FAM171A1: variants seen among roughly 807,000 people sequenced by gnomAD.
FAM171A1 encodes family with sequence similarity 171 member A1.
A neutral mutation model predicts 74.9 loss-of-function variants in FAM171A1; 23 were observed. The observed-to-expected ratio is 0.31, with a 90% CI of 0.22 to 0.44. FAM171A1 has a LOEUF of 0.44. FAM171A1 is among the 20% of genes least tolerant of loss of function. The pLI is 1.00. For missense variants in FAM171A1, 1,162 were observed against 1,159.2 expected (o/e 1.00, Z -0.03); for synonymous variants, 527 against 505.7 (o/e 1.04, Z -0.57).
chr10:15,219,576 CATT>C (rs1834010250), intron 6 of FAM171A1, among the ~76,000 whole-genome samples: 1 of 152,094 alleles, frequency 6.6e-6, no homozygotes, highest in Non-Finnish European at 1.5e-5. Context: ...AAGGGAAACA[CATT>C]AATCTTTTTT....
intron 1 of FAM171A1, among the ~76,000 whole-genome samples, chr10:15,314,343 C>T (rs1835398451): frequency 6.6e-6 from 1 of 152,136 alleles, no homozygotes; most frequent in Non-Finnish European, 1.5e-5. Flanking sequence ...ATATCCAATT[C>T]TCAAACACAG....
chr10:15,219,009 G>A (rs772679077), intron 6 of FAM171A1, among the ~76,000 whole-genome samples: 26 of 152,252 alleles, frequency 1.7e-4, no homozygotes, highest in East Asian at 5.8e-4. Flanking sequence ...CTGGACAGGC[G>A]CAGTGGCTCA....
chr10:15,338,353 G>A (rs567135054), intron 1 of FAM171A1, among the ~76,000 whole-genome samples: 5 of 152,236 alleles, frequency 3.3e-5, no homozygotes, highest in African/African-American at 7.2e-5. Flanking sequence ...TATACATTAT[G>A]TGCCTATCAA....
rs79649936 is a variant in FAM171A1, at chr10:15,234,063, T to C, written c.755-13003A>G. Reference sequence around the variant, plus strand: ...GAAGCATTAGGTCCAGAGACATTAGTAATTTGCCCAAGGACGGGCCCTCTC... The same window carrying C: ...GAAGCATTAGGTCCAGAGACATTAGCAATTTGCCCAAGGACGGGCCCTCTC... On this transcript the variant is annotated intron_variant, in intron 5 of 7. Coordinates refer to ENST00000378116, the MANE Select transcript of FAM171A1 (RefSeq NM_001010924.2). Among the ~76,000 whole-genome samples, 80 of 152,186 alleles carry C rather than the reference T, an allele frequency of 5.3e-4. 1 individual carries two copies. In the East Asian group the frequency reaches 0.012, roughly 23 times the overall value.
At chr10:15,305,408 G>A (rs911803400) in intron 1 of FAM171A1, among the ~76,000 whole-genome samples, 1 of 152,128 alleles carries the variant, frequency 6.6e-6, no homozygotes, top group Non-Finnish European at 1.5e-5. Context: ...TGGGTGCCAT[G>A]GCTCATGCCT....
chr10:15,352,312 A>T (rs1373671224), intron 1 of FAM171A1, among the ~76,000 whole-genome samples: 2 of 152,190 alleles, frequency 1.3e-5, no homozygotes, highest in Non-Finnish European at 2.9e-5. Flanking sequence ...ATCTAACTTC[A>T]AGTATTGTTA....
intron 5 of FAM171A1, among the ~76,000 whole-genome samples, chr10:15,233,522 GT>G (rs1473199992): frequency 7.9e-4 from 10 of 12,662 alleles, no homozygotes; most frequent in Non-Finnish European, 1.7e-3. Flanking sequence ...TGTATTCAGG[GT>G]GTGTGTGTGT....
chr10:15,362,826 C>T (rs1014810125), intron 1 of FAM171A1, among the ~76,000 whole-genome samples: 2 of 152,204 alleles, frequency 1.3e-5, no homozygotes, highest in African/African-American at 4.8e-5. Flanking sequence ...AGACTCATGC[C>T]TAATTACATA....
chr10:15,267,394 G>A (rs1423048029), intron 3 of FAM171A1, among the ~76,000 whole-genome samples: 1 of 151,988 alleles, frequency 6.6e-6, no homozygotes, highest in Non-Finnish European at 1.5e-5. Context: ...CACGAGGTCA[G>A]TAGATTGAGG....
intron 5 of FAM171A1, chr10:15,241,744 G>T (rs1031548004): frequency 1.3e-4 from 20 of 151,828 alleles, no homozygotes; most frequent in Non-Finnish European, 2.6e-4. Context: ...TTCTCTTGGT[G>T]GTGAGAACAC....
At chr10:15,339,221 C>T (rs1247029053) in intron 1 of FAM171A1, among the ~76,000 whole-genome samples, 2 of 152,040 alleles carry the variant, frequency 1.3e-5, no homozygotes, top group South Asian at 2.1e-4. Flanking sequence ...TATCTCTCAC[C>T]CAGTTTCTGG....
chr10:15,237,006 C>A (rs1007750053), intron 5 of FAM171A1, among the ~76,000 whole-genome samples: 1 of 152,046 alleles, frequency 6.6e-6, no homozygotes, highest in African/African-American at 2.4e-5. Context: ...GGCAGGAGAA[C>A]CGCTTGAACC....
At chr10:15,333,740 A>T (rs1051948927) in intron 1 of FAM171A1, among the ~76,000 whole-genome samples, 1 of 151,918 alleles carries the variant, frequency 6.6e-6, no homozygotes, top group Non-Finnish European at 1.5e-5. Context: ...GGGGACTGTC[A>T]TGGGAAGATT....
At chr10:15,276,034 G>A (rs1834890131) in intron 2 of FAM171A1, 87 bp from the exon 3 acceptor site, 2 of 859,420 alleles carry the variant, frequency 2.3e-6, no homozygotes, top group Non-Finnish European at 3.7e-6. Flanking sequence ...TGCAGTTTTT[G>A]TATTTTCTGA....
At chr10:15,357,639 G>T (rs1433427626) in intron 1 of FAM171A1, among the ~76,000 whole-genome samples, 1 of 152,112 alleles carries the variant, frequency 6.6e-6, no homozygotes, top group Non-Finnish European at 1.5e-5. Context: ...AAGTAAATAT[G>T]GAACACTAAT....
chr10:15,288,508 A>G (rs1487386548), intron 1 of FAM171A1, among the ~76,000 whole-genome samples: 2 of 152,218 alleles, frequency 1.3e-5, no homozygotes, highest in African/African-American at 4.8e-5. Flanking sequence ...ACATAGCAGA[A>G]ATCCTGCATT....
At chr10:15,274,320 A>G (rs1278880172) in intron 3 of FAM171A1, among the ~76,000 whole-genome samples, 1 of 152,196 alleles carries the variant, frequency 6.6e-6, no homozygotes, top group African/African-American at 2.4e-5. Flanking sequence ...TAGGAATCCA[A>G]CTTACAAGGG....
chr10:15,239,286 CTTTA>C (rs914901648), intron 5 of FAM171A1, among the ~76,000 whole-genome samples: 22 of 151,982 alleles, frequency 1.4e-4, no homozygotes, highest in Non-Finnish European at 1.9e-4. Flanking sequence ...TAAATATTCA[CTTTA>C]TTTATTTATT....
intron 5 of FAM171A1, among the ~76,000 whole-genome samples, chr10:15,227,612 C>A (rs1214848650): frequency 6.6e-6 from 1 of 152,082 alleles, no homozygotes; most frequent in Non-Finnish European, 1.5e-5. Flanking sequence ...AACTTCTGGA[C>A]CCAAGTGATC....
Sources: gnomAD v4.1 joint callset for allele counts (sites outside exome capture counted in the v4.1 genomes callset) on GRCh38, gnomAD v4.1.1 for gene constraint, MANE v1.5 for transcripts, NCBI Gene and HGNC (gene_info 2026-07-23, HGNC 2026-07-21) for gene names.